HTR4: variants seen among roughly 807,000 people sequenced by gnomAD.
The protein encoded by HTR4 is 5-hydroxytryptamine receptor 4, also known as 5-hydroxytryptamine (serotonin) receptor 4, G protein-coupled.
Under a neutral mutation model 36.8 loss-of-function variants are expected in HTR4, and 16 were observed. The ratio of observed to expected loss-of-function variants is 0.43; its 90% CI spans 0.29 to 0.66. HTR4 has a LOEUF of 0.66. Ranked by LOEUF, HTR4 falls within the 30% of genes least tolerant of loss-of-function variation. The probability of loss-of-function intolerance (pLI) is 0.13; values close to 1 mark genes in which losing one functional copy is unlikely to be tolerated. For missense variants in HTR4, 438 were observed against 490.9 expected (o/e 0.89, Z 1.02); for synonymous variants, 189 against 185.1 (o/e 1.02, Z -0.17).
chr5:148,495,805 C>G (rs942327010), intron 6 of HTR4, among the ~76,000 whole-genome samples: 1 of 152,132 alleles, frequency 6.6e-6, no homozygotes, highest in African/African-American at 2.4e-5. Context: ...AAGTTATTAT[C>G]TTTTAAGAGA....
chr5:148,453,181 T>C (rs952757750), intron 5 of HTR4, among the ~76,000 whole-genome samples: 33 of 152,178 alleles, frequency 2.2e-4, no homozygotes, highest in Admixed American at 1.4e-3. Context: ...AGGTTAGTCT[T>C]TCTAACTCTT....
chr5:148,522,259 C>T (rs1310076333), intron 5 of HTR4, among the ~76,000 whole-genome samples: 1 of 152,112 alleles, frequency 6.6e-6, no homozygotes, highest in Non-Finnish European at 1.5e-5. Context: ...TTGTCTTTAT[C>T]AGCAGTGTAA....
chr5:148,535,190 T>C (rs1758755606), intron 4 of HTR4, among the ~76,000 whole-genome samples: 1 of 152,144 alleles, frequency 6.6e-6, no homozygotes, highest in South Asian at 2.1e-4. Context: ...CTGTACACAA[T>C]GCCTTGGCCC....
At chr5:148,564,073 C>T (rs912812612) in intron 2 of HTR4, among the ~76,000 whole-genome samples, 2 of 152,184 alleles carry the variant, frequency 1.3e-5, no homozygotes, top group Non-Finnish European at 2.9e-5. Context: ...TGTTCAAAAT[C>T]TTATAATGTC....
At position 148,487,232 on chromosome 5, in the gene HTR4, T is replaced by A. The variant is rs115752600; in HGVS notation, c.1077-3939A>T. On this transcript the variant is annotated intron_variant, in intron 6 of 6. Transcript: ENST00000377888. ...GATCGATGGGTAATGGTGGATCTAG[T>A]GCTATAACTTGGGTATTCTGCCCTC... Among the ~76,000 whole-genome samples the A allele has an allele frequency of 3.9e-3, 587 of 152,322 alleles. 5 individuals are homozygous for A. The highest frequency in any genetic ancestry group is 0.014 in the African/African-American group (563 of 41,582).
chr5:148,458,111 A>G (rs1386737295), intron 5 of HTR4, among the ~76,000 whole-genome samples: 1 of 133,700 alleles, frequency 7.5e-6, no homozygotes, highest in Non-Finnish European at 1.6e-5. Flanking sequence ...TATCTATTAA[A>G]TAGATCTTAA....
At chr5:148,453,805 T>G (rs1755032091) in intron 5 of HTR4, among the ~76,000 whole-genome samples, 1 of 152,070 alleles carries the variant, frequency 6.6e-6, no homozygotes, top group African/African-American at 2.4e-5. Flanking sequence ...GGATGCTCTA[T>G]TGTGAATATA....
chr5:148,461,702 C>G (rs1755282436), intron 5 of HTR4, among the ~76,000 whole-genome samples: 1 of 151,960 alleles, frequency 6.6e-6, no homozygotes, highest in Non-Finnish European at 1.5e-5. Context: ...CATAAATGAA[C>G]AGATACAGAA....
chr5:148,535,489 A>G (rs1320070606), intron 4 of HTR4, among the ~76,000 whole-genome samples: 4 of 152,224 alleles, frequency 2.6e-5, no homozygotes, highest in Non-Finnish European at 5.9e-5. Flanking sequence ...AAGACACACA[A>G]TAAAATGATA....
At chr5:148,498,968 T>G (rs1269836332) in intron 6 of HTR4, among the ~76,000 whole-genome samples, 1 of 152,132 alleles carries the variant, frequency 6.6e-6, no homozygotes, top group African/African-American at 2.4e-5. Context: ...ATGGTAGAGT[T>G]GATAGATTAA....
downstream of HTR4, among the ~76,000 whole-genome samples, chr5:148,478,162 GA>G (rs1414805178): frequency 2.0e-5 from 3 of 152,180 alleles, no homozygotes; most frequent in Non-Finnish European, 4.4e-5. Context: ...CTTTTTCTCT[GA>G]ATGCCATAGT....
At chr5:148,568,059 C>T (rs1760520955) in intron 2 of HTR4, among the ~76,000 whole-genome samples, 1 of 152,070 alleles carries the variant, frequency 6.6e-6, no homozygotes, top group African/African-American at 2.4e-5. Context: ...ATTATTTATC[C>T]ACTTTATCCA....
In HTR4 at chr5:148,629,745, T is replaced by C. The variant is rs1042490385; in HGVS notation, c.26+7244A>G. ...GCCGTCACATCTGCACCCTCAGGTT[T>C]CTGAAGCCGGGTGAAGCAGCCTCCA... On this transcript the variant is annotated intron_variant, in intron 2 of 6. Coordinates refer to ENST00000377888, the MANE Select transcript of HTR4 (RefSeq NM_000870.7). 4.1e-4 allele frequency: 62 copies of C among 152,224 alleles called. 1 individual carries two copies. The allele number at this position is 152,224 out of a possible 1,614,324, so 9.4% of individuals were successfully genotyped here. A position where few individuals can be genotyped will look rare whatever the true frequency, so the allele number is the denominator to read the frequency against.
chr5:148,454,827 C>A (rs563774925), intron 5 of HTR4, among the ~76,000 whole-genome samples: 1 of 152,198 alleles, frequency 6.6e-6, no homozygotes, highest in East Asian at 1.9e-4. Flanking sequence ...TGAGCGCAGG[C>A]CTGGCCAGGA....
intron 2 of HTR4, among the ~76,000 whole-genome samples, chr5:148,598,418 G>A (rs560284199): frequency 8.5e-5 from 13 of 152,150 alleles, no homozygotes; most frequent in African/African-American, 2.9e-4. Flanking sequence ...GATGGCACAC[G>A]CCTGAGTCCC....
chr5:148,531,084 T>A (rs571242287), intron 4 of HTR4, among the ~76,000 whole-genome samples: 106 of 152,348 alleles, frequency 7.0e-4, no homozygotes, highest in African/African-American at 2.4e-3. Flanking sequence ...CAGAAGGGAC[T>A]TGCCTTGTCT....
At chr5:148,532,047 T>C (rs943797196) in intron 4 of HTR4, among the ~76,000 whole-genome samples, 1 of 152,174 alleles carries the variant, frequency 6.6e-6, no homozygotes, top group African/African-American at 2.4e-5. Flanking sequence ...TGAGGACCCC[T>C]GGTTTAGATG....
intron 6 of HTR4, among the ~76,000 whole-genome samples, chr5:148,492,319 T>A (rs982460957): frequency 2.0e-5 from 3 of 152,226 alleles, no homozygotes; most frequent in Non-Finnish European, 4.4e-5. Context: ...CCAGAAGGCA[T>A]ATTCAAAATA....
chr5:148,605,157 C>T (rs895727948), intron 2 of HTR4, among the ~76,000 whole-genome samples: 21 of 151,912 alleles, frequency 1.4e-4, no homozygotes, highest in African/African-American at 3.4e-4. Context: ...CTACTGTGGC[C>T]GGGACATTCC....
Sources: gnomAD v4.1 joint callset for allele counts (sites outside exome capture counted in the v4.1 genomes callset) on GRCh38, gnomAD v4.1.1 for gene constraint, MANE v1.5 for transcripts, NCBI Gene and HGNC (gene_info 2026-07-23, HGNC 2026-07-21) for gene names.